CFAP44: variants seen among roughly 807,000 people sequenced by gnomAD.
CFAP44 encodes cilia and flagella associated protein 44, also known as cilia- and flagella-associated protein 44.
A neutral mutation model predicts 216.2 loss-of-function variants in CFAP44; 134 were observed. That is an observed-to-expected ratio of 0.62 (90% confidence interval 0.54 to 0.72). CFAP44 has a LOEUF of 0.72. Among genes scored for constraint, CFAP44 ranks in the 30% least tolerant of loss-of-function variants. The pLI is 0.00. For missense variants in CFAP44, 2,035 were observed against 2,182.1 expected, an observed-to-expected ratio of 0.93 and a Z score of 1.34; for synonymous variants, 700 against 727.6, an observed-to-expected ratio of 0.96 and a Z score of 0.61.
intron 32 of CFAP44, among the ~76,000 whole-genome samples, chr3:113,301,438 AATAAGTTGGGTGGGTGGGTTC>A (rs764698483): frequency 1.3e-5 from 2 of 152,154 alleles, no homozygotes; most frequent in Non-Finnish European, 2.9e-5. Context: ...TAATATTGTT[AATAAGTTGGGTGGGTGGGTTC>A]ATTCTGTTGT....
intron 28 of CFAP44, among the ~76,000 whole-genome samples, chr3:113,312,517 T>C (rs1185919269): frequency 6.6e-6 from 1 of 152,244 alleles, no homozygotes; most frequent in East Asian, 1.9e-4. Context: ...CATAAGTAAA[T>C]TGAGGAATGT....
intron 22 of CFAP44, among the ~76,000 whole-genome samples, chr3:113,355,525 T>C (rs1950485288): frequency 6.6e-6 from 1 of 152,106 alleles, no homozygotes; most frequent in African/African-American, 2.4e-5. Context: ...ATCCATGGAA[T>C]ACTATGCAGC....
chr3:113,320,298 T>G (rs981687686), intron 28 of CFAP44, among the ~76,000 whole-genome samples: 1 of 150,250 alleles, frequency 6.7e-6, no homozygotes, highest in Non-Finnish European at 1.5e-5. Flanking sequence ...GCAAAGCAAA[T>G]CAGATCCCCC....
At chr3:113,377,077 G>A (rs962765182) in intron 17 of CFAP44, among the ~76,000 whole-genome samples, 1 of 152,090 alleles carries the variant, frequency 6.6e-6, no homozygotes, top group Non-Finnish European at 1.5e-5. Context: ...GACAAGAAAA[G>A]GAAATTCCAT....
Position 113,303,898 on chromosome 3 carries a change from G to T in CFAP44, c.5077+18C>A. ...ACCAATAAACCTTACTAGCAAGGCT[G>T]TGGGCTTAGATACTCACTGTGTATG... On this transcript the variant is annotated intron_variant, in intron 32 of 34. Coordinates refer to ENST00000393845, the MANE Select transcript of CFAP44 (RefSeq NM_001164496.2). 1 of 1,536,914 alleles carries T rather than the reference G, an allele frequency of 6.5e-7. No individual in the cohort carries two copies. Among genetic ancestry groups the T allele is most frequent in the Non-Finnish European group, 8.7e-7 (1 of 1,146,588 alleles).
intron 24 of CFAP44, among the ~76,000 whole-genome samples, chr3:113,341,358 T>A (rs983649757): frequency 7.9e-5 from 12 of 152,000 alleles, no homozygotes; most frequent in African/African-American, 1.5e-4. Flanking sequence ...TTTTTTTTTT[T>A]AAAAGAAAGC....
intron 1 of CFAP44, among the ~76,000 whole-genome samples, chr3:113,440,491 C>T (rs1189738040): frequency 6.6e-6 from 1 of 151,930 alleles, no homozygotes; most frequent in Non-Finnish European, 1.5e-5. Flanking sequence ...ATTTCCAAGT[C>T]CTGTTACTTG....
chr3:113,424,683 C>T (rs977106390), intron 4 of CFAP44, among the ~76,000 whole-genome samples: 1 of 152,062 alleles, frequency 6.6e-6, no homozygotes, highest in African/African-American at 2.4e-5. Context: ...TCTAGTGAGC[C>T]GTCCAAAAGT....
intron 28 of CFAP44, among the ~76,000 whole-genome samples, chr3:113,322,301 G>A (rs1335807234): frequency 6.6e-6 from 1 of 152,154 alleles, no homozygotes; most frequent in African/African-American, 2.4e-5. Context: ...ATGGTGTTGG[G>A]ATAACTGGCT....
At chr3:113,416,473 A>G in intron 6 of CFAP44, 52 bp downstream of exon 6, 9 of 1,383,306 alleles carry the variant, frequency 6.5e-6, no homozygotes, top group Non-Finnish European at 8.1e-6. Context: ...CACCTTCTTC[A>G]GAATGTTGTT....
chr3:113,433,716 G>C (rs761608560), intron 1 of CFAP44, 47 bp from the exon 2 acceptor site: 1 of 1,365,332 alleles, frequency 7.3e-7, no homozygotes, highest in Non-Finnish European at 1.0e-6. Flanking sequence ...CTGTAAAATT[G>C]AAACTAACAG....
rs148547745 is a variant in CFAP44 at position 113,296,800 on chromosome 3, A to G, written c.5163T>C (p.Asn1721=). The change falls in exon 33 of 35, where the codon AAT becomes AAC. Residue 1721 remains asparagine (N), a synonymous_variant. Coordinates refer to ENST00000393845, the MANE Select transcript of CFAP44 (RefSeq NM_001164496.2). ...TGATCTTCAGTTCTTCAAGTGTTGT[A>G]TTAACAGAAAGCGTTTGAAGGGCTT... is the stretch of plus-strand genomic sequence containing the variant. ...NLEALQTLSV[N]TTLEELKIRK... The G allele has an allele frequency of 1.0e-5, 16 of 1,537,710 alleles. No individual in the cohort carries two copies. The highest frequency in any genetic ancestry group is 1.3e-5 in the Non-Finnish European group (15 of 1,147,014).
chr3:113,370,701 T>C (rs1933122145), intron 18 of CFAP44, among the ~76,000 whole-genome samples: 1 of 152,184 alleles, frequency 6.6e-6, no homozygotes, highest in Admixed American at 6.5e-5. Context: ...ACCATGCCTA[T>C]TCAACATAGT....
intron 25 of CFAP44, among the ~76,000 whole-genome samples, chr3:113,332,556 C>T (rs112982126): frequency 7.9e-5 from 12 of 152,274 alleles, no homozygotes; most frequent in African/African-American, 2.4e-4. Flanking sequence ...CATTAGGTTA[C>T]GATGTATCGA....
chr3:113,386,992 C>A (rs560534522), intron 15 of CFAP44, among the ~76,000 whole-genome samples: 3 of 152,184 alleles, frequency 2.0e-5, no homozygotes, highest in Non-Finnish European at 4.4e-5. Context: ...AGTATTTAGA[C>A]CAGCCCGAGT....
intron 18 of CFAP44, among the ~76,000 whole-genome samples, chr3:113,372,873 G>A (rs1273000462): frequency 6.6e-6 from 1 of 152,158 alleles, no homozygotes; most frequent in African/African-American, 2.4e-5. Flanking sequence ...CTGACACCTT[G>A]ATCTTGGAAC....
chr3:113,384,312 AC>A (rs1933592307), intron 15 of CFAP44, among the ~76,000 whole-genome samples: 2 of 151,854 alleles, frequency 1.3e-5, no homozygotes, highest in African/African-American at 2.4e-5. Flanking sequence ...ACCCACCTTG[AC>A]CTCCCAAAGT....
Position 113,395,751 on chromosome 3 carries a change from T to C in CFAP44, c.1889A>G (p.His630Arg). 4 of 1,600,826 alleles carry C rather than the reference T, an allele frequency of 2.5e-6. No homozygotes were observed. Among genetic ancestry groups the C allele is most frequent in the Non-Finnish European group, 3.4e-6 (4 of 1,173,102 alleles). Reference protein sequence around the residue: ...VCQLMWSPMSHPESTLLIICE... With the variant: ...VCQLMWSPMSRPESTLLIICE... The stretch of plus-strand genomic sequence containing the variant: ...GGAAGACAAATAATAATGACTTACA[T>C]GAGACATGGGAGACCACATTAACTG... Residue 630 changes from histidine (H) to arginine (R), a missense_variant and splice_region_variant, in exon 15 of 35, where the codon CAT becomes CGT. By Grantham distance (29) the His-to-Arg change is conservative. Around this residue, in one of 3 missense-constraint regions of CFAP44, gnomAD observed 1,883 missense variants for 2,023.7 expected, o/e 0.93. Coordinates refer to ENST00000393845, the MANE Select transcript of CFAP44 (RefSeq NM_001164496.2).
chr3:113,431,187 G>A (rs1935097407), intron 2 of CFAP44, among the ~76,000 whole-genome samples: 1 of 152,160 alleles, frequency 6.6e-6, no homozygotes, highest in Admixed American at 6.5e-5. Context: ...GCTGAGCCAG[G>A]AGGAAGAGAC....
Sources: gnomAD v4.1 joint callset for allele counts (sites outside exome capture counted in the v4.1 genomes callset) on GRCh38, gnomAD v4.1.1 for gene constraint, gnomAD v4.1.1 regional missense constraint, MANE v1.5 for transcripts, NCBI Gene and HGNC (gene_info 2026-07-23, HGNC 2026-07-21) for gene names.